Variants in MGST1 observed in about 807,000 individuals in gnomAD.
MGST1 encodes the protein glutathione S-transferase 12.
In MGST1, 5 loss-of-function variants were observed where a neutral mutation model predicts 8.9. The ratio of observed to expected loss-of-function variants is 0.56; its 90% CI spans 0.29 to 1.19. The LOEUF (loss-of-function observed/expected upper bound fraction) is 1.19. MGST1 is among the 50% of genes most tolerant of loss of function. The probability of loss-of-function intolerance (pLI) is 0.08; values close to 1 mark genes in which losing one functional copy is unlikely to be tolerated. For missense variants in MGST1, 182 were observed against 187.4 expected (o/e 0.97, Z 0.17); for synonymous variants, 54 against 67.8 (o/e 0.80, Z 1.00).
intron 4 of MGST1, among the ~76,000 whole-genome samples, chr12:16,466,552 A>C (rs1057390449): frequency 1.3e-5 from 2 of 152,178 alleles, no homozygotes; most frequent in South Asian, 2.1e-4. Context: ...CTGAAGAAAA[A>C]AAGACTGATT....
intron 4 of MGST1, among the ~76,000 whole-genome samples, chr12:16,552,835 T>G (rs1942041427): frequency 6.6e-6 from 1 of 152,092 alleles, no homozygotes; most frequent in Non-Finnish European, 1.5e-5. Flanking sequence ...ATACTTTAAA[T>G]GTTGCACTTC....
intron 1 of MGST1, among the ~76,000 whole-genome samples, chr12:16,390,605 A>G (rs1940542806): frequency 6.6e-6 from 1 of 152,130 alleles, no homozygotes; most frequent in Non-Finnish European, 1.5e-5. Flanking sequence ...AGCTCCATCC[A>G]TGTTCCAATA....
intron 4 of MGST1, among the ~76,000 whole-genome samples, chr12:16,474,742 G>T (rs988257481): frequency 2.0e-5 from 3 of 152,176 alleles, no homozygotes; most frequent in Non-Finnish European, 2.9e-5. Flanking sequence ...AGCAATAACA[G>T]TAATATTGAT....
intron 4 of MGST1, among the ~76,000 whole-genome samples, chr12:16,554,336 A>G (rs1942105111): frequency 6.6e-6 from 1 of 152,228 alleles, no homozygotes; most frequent in African/African-American, 2.4e-5. Flanking sequence ...ACTGACAATT[A>G]TGATTAATTT....
exon 1 of MGST1, chr12:16,383,350 C>G (rs963054700): frequency 6.6e-6 from 1 of 152,172 alleles, no homozygotes; most frequent in Non-Finnish European, 1.5e-5. Context: ...ATATGTAAGT[C>G]TGAGTTTTGT....
intron 1 of MGST1, among the ~76,000 whole-genome samples, chr12:16,424,601 A>G (rs1339867396): frequency 2.0e-5 from 3 of 152,160 alleles, no homozygotes; most frequent in Admixed American, 2.0e-4. Flanking sequence ...TTCCACCATA[A>G]GCATGAAGAT....
In MGST1 at chr12:16,503,935, C is replaced by A. The variant is rs1417226507; in HGVS notation, n.483-85593C>A. 6.6e-6 allele frequency among the ~76,000 whole-genome samples: 1 copy of A among 152,218 alleles called. No homozygotes were observed. The highest frequency in any genetic ancestry group is 1.5e-5 in the Non-Finnish European group (1 of 68,040). On this transcript the variant is annotated intron_variant and non_coding_transcript_variant, in intron 4 of 4. Transcript: ENST00000538857. This position sits in a 1 kb window ranked among gnomAD's most constrained non-coding sequence, Gnocchi z 4.8. ...AGCCCTGCTCTGCAAGGCACAGTAC[C>A]TCCGGTGCTGCTGTATGCTGCTGCC... is the stretch of plus-strand genomic sequence containing the variant.
chr12:16,405,885 A>T (rs1456527861), intron 1 of MGST1, among the ~76,000 whole-genome samples: 2 of 152,304 alleles, frequency 1.3e-5, no homozygotes, highest in East Asian at 3.9e-4. Context: ...AAAACTCTTA[A>T]ACTGGATATT....
chr12:16,569,842 A>G (rs942532012), intron 4 of MGST1, among the ~76,000 whole-genome samples: 14 of 152,192 alleles, frequency 9.2e-5, no homozygotes, highest in African/African-American at 3.4e-4. Flanking sequence ...AATAAAGGAT[A>G]ACACATATGT....
chr12:16,586,247 G>T lies in MGST1; in HGVS notation n.483-3281G>T, dbSNP rs1287134343. Among the ~76,000 whole-genome samples, 1 of 152,164 alleles carries T rather than the reference G, an allele frequency of 6.6e-6. No individual in the cohort carries two copies. The highest frequency in any genetic ancestry group is 2.4e-5 in the African/African-American group (1 of 41,442). ...CTTAAAACATAAGAATGGAAAAGCAGCATTTGAAGTTGTAATCTCTGGCAA... is the reference window on the plus strand; with the variant it reads ...CTTAAAACATAAGAATGGAAAAGCATCATTTGAAGTTGTAATCTCTGGCAA... On this transcript the variant is annotated intron_variant and non_coding_transcript_variant, in intron 4 of 4. Coordinates refer to the MGST1 transcript ENST00000538857. The surrounding 1 kb of genome is among the most constrained non-coding windows in gnomAD (Gnocchi z 4.3).
At chr12:16,462,480 T>TCC (rs1266722969) in intron 4 of MGST1, among the ~76,000 whole-genome samples, 6 of 152,144 alleles carry the variant, frequency 3.9e-5, no homozygotes, top group African/African-American at 1.4e-4. Flanking sequence ...ACTCTAAGTC[T>TCC]TTATGAAACC....
At position 16,513,512 on chromosome 12, in the gene MGST1, C is replaced by T. The variant is rs570461911; in HGVS notation, n.483-76016C>T. ...TGGACCCATGTGGAGATGGGACCAC[C>T]AGATCCCATCCTTGGAGTCACCGAA... On this transcript the variant is annotated intron_variant and non_coding_transcript_variant, in intron 4 of 4. Coordinates refer to the MGST1 transcript ENST00000538857. The surrounding 1 kb of genome is among the most constrained non-coding windows in gnomAD (Gnocchi z 4.2). The T allele has an allele frequency of 3.1e-5, 15 of 477,918 alleles. No homozygotes were observed. The Middle Eastern group carries it at 2.1e-3, about 66-fold the overall frequency. 29.6% of individuals were successfully genotyped at this position (477,918 alleles called of 1,614,324 possible).
intron 4 of MGST1, among the ~76,000 whole-genome samples, chr12:16,558,987 A>T (rs1781358561): frequency 6.6e-6 from 1 of 152,172 alleles, no homozygotes; most frequent in African/African-American, 2.4e-5. Flanking sequence ...TATATCAGCT[A>T]ATATATGGTG....
chr12:16,529,918 A>T (rs966860360), intron 4 of MGST1, among the ~76,000 whole-genome samples: 1 of 152,078 alleles, frequency 6.6e-6, no homozygotes, highest in South Asian at 2.1e-4. Context: ...GCTCCAATTA[A>T]CTATCTTAGT....
chr12:16,387,567 C>T (rs577378051), intron 1 of MGST1, among the ~76,000 whole-genome samples: 11 of 150,266 alleles, frequency 7.3e-5, no homozygotes, highest in Non-Finnish European at 1.5e-4. Context: ...CGCTCTGTTG[C>T]CCAGGCTGGA....
chr12:16,500,123 T>G lies in MGST1; in HGVS notation n.483-89405T>G, dbSNP rs1459376226. 6.6e-6 allele frequency among the ~76,000 whole-genome samples: 1 copy of G among 152,204 alleles called. No individual in the cohort carries two copies. Among genetic ancestry groups the G allele is most frequent in the African/African-American group, 2.4e-5 (1 of 41,458 alleles). ...TAATTATTTCTTAAAGATTATACTG[T>G]TGCCAGAGAAGTTTTCTTTTTTCCA... On this transcript the variant is annotated intron_variant and non_coding_transcript_variant, in intron 4 of 4. Coordinates refer to the MGST1 transcript ENST00000538857. The surrounding 1 kb of genome is among the most constrained non-coding windows in gnomAD (Gnocchi z 4.3).
chr12:16,362,479 G>A lies in MGST1; in HGVS notation c.222-1316G>A, dbSNP rs1261112771. On this transcript the variant is annotated intron_variant, in intron 3 of 3. Coordinates refer to ENST00000396210, the MANE Select transcript of MGST1 (RefSeq NM_020300.5). This position sits in a 1 kb window ranked among gnomAD's most constrained non-coding sequence, Gnocchi z 4.4. ...GTGACGATCGTTGAGCAGGCAATAT[G>A]TAATAATTATATGCTTATTGCTATA... 6.6e-6 allele frequency: 1 copy of A among 152,098 alleles called. No individual in the cohort carries two copies. Among genetic ancestry groups the A allele is most frequent in the Non-Finnish European group, 1.5e-5 (1 of 68,030 alleles). The allele number at this position is 152,098 out of a possible 1,614,324, so 9.4% of individuals were successfully genotyped here.
chr12:16,551,147 T>G, intron 4 of MGST1: 1 of 965,240 alleles, frequency 1.0e-6, no homozygotes, highest in Non-Finnish European at 1.7e-6. Context: ...CCTGTGTCAA[T>G]TCTTATGTAC....
chr12:16,480,225 C>T (rs548191977), intron 4 of MGST1, among the ~76,000 whole-genome samples: 1 of 151,134 alleles, frequency 6.6e-6, no homozygotes, highest in East Asian at 2.0e-4. Context: ...TCACTGGAAC[C>T]TCCACCTCCT....
Sources: allele counts gnomAD v4.1 joint callset (sites outside exome capture counted in the v4.1 genomes callset), GRCh38; gene constraint gnomAD v4.1.1; non-coding constraint Gnocchi (gnomAD v3.1); transcripts MANE v1.5; gene names NCBI Gene and HGNC (gene_info 2026-07-23, HGNC 2026-07-21).